The following LIN52 variants were observed in gnomAD, a reference collection of about 807,000 sequenced individuals.
LIN52 encodes protein lin-52 homolog.
LIN52 carries 4 observed loss-of-function variants against 18.5 expected under a neutral mutation model. The ratio of observed to expected loss-of-function variants is 0.22; its 90% CI spans 0.11 to 0.49. The LOEUF (loss-of-function observed/expected upper bound fraction) is 0.49. Ranked by LOEUF, LIN52 falls within the 20% of genes least tolerant of loss-of-function variation. LIN52 has a pLI of 0.97. For synonymous variants in LIN52, 34 were observed against 45.5 expected (o/e 0.75, Z 1.02); for missense variants, 102 against 139.5 (o/e 0.73, Z 1.35).
chr14:74,119,665 G>A (rs2108723), intron 5 of LIN52, among the ~76,000 whole-genome samples: 34,164 of 151,898 alleles, frequency 0.22, 4,172 homozygotes, highest in South Asian at 0.46. Context: ...ACTTCTAGTC[G>A]TTCTAATAAA....
intron 5 of LIN52, among the ~76,000 whole-genome samples, chr14:74,130,197 A>G (rs918175795): frequency 1.3e-5 from 2 of 151,744 alleles, no homozygotes; most frequent in African/African-American, 2.4e-5. Context: ...GCCAAACCAT[A>G]TCACCCTGTC....
At chr14:74,139,986 T>C (rs1304344003) in intron 5 of LIN52, among the ~76,000 whole-genome samples, 1 of 152,146 alleles carries the variant, frequency 6.6e-6, no homozygotes, top group Non-Finnish European at 1.5e-5. Flanking sequence ...GTAAAAAAGC[T>C]ATCCCTTTTA....
At chr14:74,150,421 T>C (rs2061171638) in intron 5 of LIN52, among the ~76,000 whole-genome samples, 2 of 152,206 alleles carry the variant, frequency 1.3e-5, no homozygotes, top group Non-Finnish European at 2.9e-5. Flanking sequence ...ATGATGAAGC[T>C]AGACACAAAA....
intron 5 of LIN52, among the ~76,000 whole-genome samples, chr14:74,109,909 A>G (rs1277578472): frequency 6.6e-6 from 1 of 152,196 alleles, no homozygotes; most frequent in Non-Finnish European, 1.5e-5. Flanking sequence ...AGACAGTTTT[A>G]CTTCTTCATT....
At chr14:74,122,876 AAAAC>A (rs1450608571) in intron 5 of LIN52, among the ~76,000 whole-genome samples, 15 of 142,016 alleles carry the variant, frequency 1.1e-4, no homozygotes, top group African/African-American at 1.5e-4. Context: ...TCAAAAAAAC[AAAAC>A]AAACAAACAA....
chr14:74,152,394 ACATTGATAAT>A (rs2061180405), intron 5 of LIN52, among the ~76,000 whole-genome samples: 1 of 152,166 alleles, frequency 6.6e-6, no homozygotes, highest in Non-Finnish European at 1.5e-5. Flanking sequence ...TTGCTAAGAA[ACATTGATAAT>A]CATTGCTTCA....
chr14:74,168,997 T>G (rs2061260572), intron 5 of LIN52, among the ~76,000 whole-genome samples: 1 of 152,128 alleles, frequency 6.6e-6, no homozygotes. Context: ...GAGTTTCCAG[T>G]GTGCCGAGAT....
intron 5 of LIN52, among the ~76,000 whole-genome samples, chr14:74,104,913 T>C (rs754002693): frequency 6.6e-6 from 1 of 152,156 alleles, no homozygotes; most frequent in African/African-American, 2.4e-5. Context: ...GTAGCAGGCT[T>C]TGATCACAGT....
intron 5 of LIN52, among the ~76,000 whole-genome samples, chr14:74,107,640 A>T (rs1286099258): frequency 6.6e-6 from 1 of 152,076 alleles, no homozygotes; most frequent in Non-Finnish European, 1.5e-5. Flanking sequence ...TAAGATAAGA[A>T]TCATATTTTT....
chr14:74,120,754 C>CA (rs386381782), intron 5 of LIN52, among the ~76,000 whole-genome samples: 22,115 of 106,010 alleles, frequency 0.21, 2,332 homozygotes, highest in East Asian at 0.54. Flanking sequence ...GACTCCCTCT[C>CA]AAAAAAAAAA....
intron 5 of LIN52, among the ~76,000 whole-genome samples, chr14:74,128,898 C>T (rs959597488): frequency 1.3e-5 from 2 of 152,134 alleles, no homozygotes; most frequent in Admixed American, 1.3e-4. Flanking sequence ...GCCAAGATCG[C>T]ACCACTGCAC....
chr14:74,119,217 A>C (rs2060982996), intron 5 of LIN52, among the ~76,000 whole-genome samples: 1 of 138,560 alleles, frequency 7.2e-6, no homozygotes, highest in Non-Finnish European at 1.5e-5. Flanking sequence ...GCTGGAGTGC[A>C]GTGGCACCAT....
chr14:74,171,181 C>T (rs2061269105), intron 5 of LIN52, among the ~76,000 whole-genome samples: 1 of 151,714 alleles, frequency 6.6e-6, no homozygotes, highest in Non-Finnish European at 1.5e-5. Flanking sequence ...CCCAGGAGAC[C>T]AGCCTGGACA....
chr14:74,103,925 C>T (rs1386044038), intron 5 of LIN52, among the ~76,000 whole-genome samples: 1 of 147,982 alleles, frequency 6.8e-6, no homozygotes, highest in East Asian at 2.0e-4. Flanking sequence ...CGGAGTCTCG[C>T]TCTGTCGCCA....
At chr14:74,152,959 C>CAA (rs1189515836) in intron 5 of LIN52, among the ~76,000 whole-genome samples, 750 of 38,022 alleles carry the variant, frequency 0.02, 22 homozygotes, top group African/African-American at 0.039. Context: ...GACTCTGTCT[C>CAA]AAAAAAAAAA....
intron 5 of LIN52, among the ~76,000 whole-genome samples, chr14:74,123,404 A>G (rs919523518): frequency 6.6e-6 from 1 of 152,182 alleles, no homozygotes; most frequent in African/African-American, 2.4e-5. Context: ...ACCAAGAACA[A>G]TTCTTAGGTT....
intron 5 of LIN52, among the ~76,000 whole-genome samples, chr14:74,162,772 A>C (rs1346103583): frequency 3.3e-5 from 5 of 151,718 alleles, no homozygotes; most frequent in Non-Finnish European, 7.4e-5. Context: ...TTCTCTCCCA[A>C]CTTTTCTCTT....
chr14:74,095,254 C>A (rs2060802373), intron 2 of LIN52, among the ~76,000 whole-genome samples: 1 of 148,910 alleles, frequency 6.7e-6, no homozygotes, highest in Non-Finnish European at 1.5e-5. Context: ...CGGGCTCAAG[C>A]CTTCCAAGTA....
intron 5 of LIN52, among the ~76,000 whole-genome samples, chr14:74,158,136 A>ATT (rs2061208271): frequency 4.8e-5 from 6 of 124,664 alleles, no homozygotes; most frequent in Admixed American, 4.0e-4. Context: ...TTTTTTTGAG[A>ATT]TAGAGTCTCC....
Sources: gnomAD v4.1 joint callset for allele counts (sites outside exome capture counted in the v4.1 genomes callset) on GRCh38, gnomAD v4.1.1 for gene constraint, MANE v1.5 for transcripts, NCBI Gene and HGNC (gene_info 2026-07-23, HGNC 2026-07-21) for gene names.